Variants in PTPRS observed in about 807,000 individuals in gnomAD.
The protein encoded by PTPRS is receptor-type tyrosine-protein phosphatase S.
Under a neutral mutation model 215.3 loss-of-function variants are expected in PTPRS, and 63 were observed. That is an observed-to-expected ratio of 0.29 (90% confidence interval 0.24 to 0.36). PTPRS has a LOEUF of 0.36. PTPRS is among the 10% of genes least tolerant of loss of function. The pLI is 1.00. For missense variants in PTPRS, 2,258 were observed against 2,825.8 expected (o/e 0.80, Z 4.56); for synonymous variants, 1,404 against 1,191.4 (o/e 1.18, Z -3.68).
chr19:5,270,499 A>G (rs1430909729), intron 4 of PTPRS, among the ~76,000 whole-genome samples: 1 of 152,152 alleles, frequency 6.6e-6, no homozygotes, highest in Non-Finnish European at 1.5e-5. Context: ...ACAGTGAGGC[A>G]TGGGGTCTCT....
chr19:5,326,677 T>G, intron 1 of PTPRS, among the ~76,000 whole-genome samples: 1 of 139,326 alleles, frequency 7.2e-6, no homozygotes. Context: ...CAGAGTGAGA[T>G]GCTGTCAAAA....
intron 25 of PTPRS, among the ~76,000 whole-genome samples, chr19:5,218,021 G>A (rs1349469704): frequency 6.6e-6 from 1 of 152,056 alleles, no homozygotes; most frequent in Non-Finnish European, 1.5e-5. Flanking sequence ...AGGGAGTGTG[G>A]AAAATGGCTG....
At chr19:5,297,026 T>C (rs982833012) in intron 1 of PTPRS, among the ~76,000 whole-genome samples, 2 of 152,232 alleles carry the variant, frequency 1.3e-5, no homozygotes, top group Middle Eastern at 3.4e-3. Context: ...CAAGGATGAC[T>C]TCTGGGTTTT....
rs532792194 is a variant in PTPRS, at chr19:5,251,555, G to A, written c.718+4553C>T. Reference sequence around the variant, plus strand: ...ACCTCGCTGTGGCCGCCGGAGACACGGGGCTTTCCAAATGACAAGGTGTAA... The same window carrying A: ...ACCTCGCTGTGGCCGCCGGAGACACAGGGCTTTCCAAATGACAAGGTGTAA... On this transcript the variant is annotated intron_variant, in intron 9 of 37. Transcript: ENST00000262963. Among the ~76,000 whole-genome samples, 46 of 151,270 alleles carry A rather than the reference G, an allele frequency of 3.0e-4. No homozygotes were observed. In the East Asian group the frequency reaches 3.3e-3, roughly 11 times the overall value.
chr19:5,298,146 T>C (rs1287964671), intron 1 of PTPRS, among the ~76,000 whole-genome samples: 1 of 152,202 alleles, frequency 6.6e-6, no homozygotes, highest in African/African-American at 2.4e-5. Flanking sequence ...TTTCGTTCGA[T>C]GGGGATCACC....
At chr19:5,247,031 AAGAG>A (rs979017105) in intron 9 of PTPRS, among the ~76,000 whole-genome samples, 6 of 151,680 alleles carry the variant, frequency 4.0e-5, no homozygotes, top group Non-Finnish European at 5.9e-5. Context: ...AATGGGGAGA[AAGAG>A]AGAAGAATAG....
intron 33 of PTPRS, 117 bp downstream of exon 33, chr19:5,211,473 A>G (rs935650525): frequency 6.5e-6 from 7 of 1,071,028 alleles, no homozygotes; most frequent in African/African-American, 1.6e-5. Context: ...ATGTGTATTT[A>G]AACAGCTCAG....
rs772092724 is a variant in PTPRS at position 5,274,367 on chromosome 19, G to C, written c.92-23C>G. On this transcript the variant is annotated intron_variant, in intron 2 of 37. Coordinates refer to ENST00000262963, the MANE Select transcript of PTPRS (RefSeq NM_002850.4). ...GCTCTGGGGATACAGTGGAAAGAAGGGGGGGCGCTGATGGGTCCAGGCATC... is the reference window on the plus strand; with the variant it reads ...GCTCTGGGGATACAGTGGAAAGAAGCGGGGGCGCTGATGGGTCCAGGCATC... 29 of 1,596,832 alleles carry C rather than the reference G, an allele frequency of 1.8e-5. 1 individual carries two copies. Among genetic ancestry groups the C allele is most frequent in the East Asian group, 1.8e-4 (8 of 44,312 alleles).
intron 2 of PTPRS, among the ~76,000 whole-genome samples, chr19:5,278,854 G>GGTA (rs558985064): frequency 2.3e-3 from 349 of 152,070 alleles, no homozygotes; most frequent in Non-Finnish European, 4.5e-3. Flanking sequence ...ATAAGCAAGA[G>GGTA]GTAATAAAGT....
chr19:5,302,699 C>T (rs920384223), intron 1 of PTPRS, among the ~76,000 whole-genome samples: 5 of 152,014 alleles, frequency 3.3e-5, no homozygotes, highest in African/African-American at 9.7e-5. Flanking sequence ...TCTGGGCTGC[C>T]GGATGCCTCC....
chr19:5,218,672 C>T (rs1324210048), intron 24 of PTPRS, 115 bp downstream of exon 24: 20 of 1,492,934 alleles, frequency 1.3e-5, no homozygotes, highest in Admixed American at 8.4e-5. Flanking sequence ...AGTACAGCTA[C>T]GTGTACAAGC....
chr19:5,227,282 C>T (rs944992441), intron 16 of PTPRS, among the ~76,000 whole-genome samples: 2 of 152,052 alleles, frequency 1.3e-5, no homozygotes, highest in African/African-American at 4.8e-5. Flanking sequence ...AAACTTTGGG[C>T]TCAAGTGATC....
At chr19:5,258,429 G>A (rs1433557614) in intron 7 of PTPRS, among the ~76,000 whole-genome samples, 1 of 152,200 alleles carries the variant, frequency 6.6e-6, no homozygotes, top group Non-Finnish European at 1.5e-5. Flanking sequence ...TTACAAAGAT[G>A]GAGAAAAGTG....
At chr19:5,241,025 G>C (rs1041208474) in intron 11 of PTPRS, among the ~76,000 whole-genome samples, 3 of 149,640 alleles carry the variant, frequency 2.0e-5, no homozygotes, top group Non-Finnish European at 3.0e-5. Flanking sequence ...AAGTAGCTGG[G>C]ATTACAGGCA....
At chr19:5,247,074 G>A (rs2044563198) in intron 9 of PTPRS, among the ~76,000 whole-genome samples, 1 of 151,418 alleles carries the variant, frequency 6.6e-6, no homozygotes. Context: ...GGGAGGGGCA[G>A]AGAAAGAAAG....
At chr19:5,252,796 C>T (rs542796884) in intron 9 of PTPRS, among the ~76,000 whole-genome samples, 1 of 149,144 alleles carries the variant, frequency 6.7e-6, no homozygotes, top group Admixed American at 6.7e-5. Context: ...ATCATTGAAC[C>T]CAGGAGGAGG....
At chr19:5,220,777 A>G (rs2041910644) in intron 20 of PTPRS, among the ~76,000 whole-genome samples, 1 of 152,162 alleles carries the variant, frequency 6.6e-6, no homozygotes. Context: ...AGGGTCAGGC[A>G]TATGGGGTAT....
intron 2 of PTPRS, among the ~76,000 whole-genome samples, chr19:5,276,831 C>G (rs938824058): frequency 6.6e-6 from 1 of 152,142 alleles, no homozygotes; most frequent in African/African-American, 2.4e-5. Flanking sequence ...CGTGAGCCAC[C>G]AGGCAGGTGA....
At position 5,244,521 on chromosome 19, in the gene PTPRS, T is replaced by C. The variant is rs751141891; in HGVS notation, c.989-39A>G. Reference sequence around the variant, plus strand: ...GCAGCTGTGTCACGCATTGGGCACATTGGTTGAGGACCCTGAAGGCTGTGT... The same window carrying C: ...GCAGCTGTGTCACGCATTGGGCACACTGGTTGAGGACCCTGAAGGCTGTGT... On this transcript the variant is annotated intron_variant, in intron 10 of 37. Coordinates refer to ENST00000262963, the MANE Select transcript of PTPRS (RefSeq NM_002850.4). This position sits in a 1 kb window ranked among gnomAD's most constrained non-coding sequence, Gnocchi z 7.2. The C allele has an allele frequency of 3.0e-4, 460 of 1,543,700 alleles. No individual in the cohort carries two copies. The highest frequency in any genetic ancestry group is 3.8e-4 in the Non-Finnish European group (430 of 1,126,014).
Sources: gnomAD v4.1 joint callset for allele counts (sites outside exome capture counted in the v4.1 genomes callset) on GRCh38, gnomAD v4.1.1 for gene constraint, Gnocchi (gnomAD v3.1) non-coding constraint, MANE v1.5 for transcripts, NCBI Gene and HGNC (gene_info 2026-07-23, HGNC 2026-07-21) for gene names.